ANKMY2: variants seen among roughly 807,000 people sequenced by gnomAD.
The protein encoded by ANKMY2 is ankyrin repeat and MYND domain containing 2.
Under a neutral mutation model 50.4 loss-of-function variants are expected in ANKMY2, and 36 were observed. The ratio of observed to expected loss-of-function variants is 0.71; its 90% CI spans 0.55 to 0.94. ANKMY2 has a LOEUF of 0.94. Ranked by LOEUF, ANKMY2 falls within the 40% of genes least tolerant of loss-of-function variation. ANKMY2 has a pLI of 0.00. For synonymous variants in ANKMY2, 187 were observed against 178.8 expected, an observed-to-expected ratio of 1.05 and a Z score of -0.36; for missense variants, 565 against 524.0, an observed-to-expected ratio of 1.08 and a Z score of -0.76.
chr7:16,606,136 G>A lies in ANKMY2; in HGVS notation c.883-1287C>T, dbSNP rs567639954. Among the ~76,000 whole-genome samples the A allele has an allele frequency of 6.7e-3, 999 of 149,412 alleles. 4 individuals carry two copies. Among genetic ancestry groups the A allele is most frequent in the Non-Finnish European group, 1.0e-2 (674 of 67,518 alleles). On this transcript the variant is annotated intron_variant, in intron 7 of 9. Transcript: ENST00000306999. Reference sequence around the variant, plus strand: ...CTGGCCTATAAACTTTTTTTACAAAGAAAATTATAAGGGGCTGGGTGTGGT... The same window carrying A: ...CTGGCCTATAAACTTTTTTTACAAAAAAAATTATAAGGGGCTGGGTGTGGT...
intron 4 of ANKMY2, among the ~76,000 whole-genome samples, chr7:16,617,262 T>C (rs951501044): frequency 2.0e-5 from 3 of 152,186 alleles, no homozygotes; most frequent in African/African-American, 7.2e-5. Flanking sequence ...ATTTGCTTGG[T>C]TGAATGTCAT....
chr7:16,610,464 T>C, intron 6 of ANKMY2, 85 bp downstream of exon 6: 1 of 1,173,104 alleles, frequency 8.5e-7, no homozygotes, highest in East Asian at 2.5e-5. Context: ...AAATGTTTAA[T>C]TTTGAAACAC....
Position 16,626,982 on chromosome 7 carries a change from T to C in ANKMY2, c.271+58A>G, listed in dbSNP as rs183393768. 1.4e-4 allele frequency: 187 copies of C among 1,375,584 alleles called. 1 individual carries two copies. The East Asian group carries it at 4.1e-3, about 30-fold the overall frequency. The allele number at this position is 1,375,584 out of a possible 1,614,324, so 85.2% of individuals were successfully genotyped here. ...AAAATGAATTTAATCTTTTAGTATATATGTACTTATAACAAGTTTGTATAG... is the reference window on the plus strand; with the variant it reads ...AAAATGAATTTAATCTTTTAGTATACATGTACTTATAACAAGTTTGTATAG... On this transcript the variant is annotated intron_variant, in intron 3 of 9. Transcript: ENST00000306999.
At chr7:16,603,304 C>T (rs1217201201) in intron 8 of ANKMY2, among the ~76,000 whole-genome samples, 1 of 152,064 alleles carries the variant, frequency 6.6e-6, no homozygotes. Flanking sequence ...TTTCTTAACA[C>T]AGTACAGGAT....
intron 4 of ANKMY2, among the ~76,000 whole-genome samples, chr7:16,618,742 TCAACCAA>T (rs1258316254): frequency 1.3e-5 from 2 of 152,126 alleles, no homozygotes; most frequent in African/African-American, 4.8e-5. Context: ...AAAATGACAT[TCAACCAA>T]GCAAATCTAA....
intron 1 of ANKMY2, among the ~76,000 whole-genome samples, chr7:16,637,749 C>T (rs778007592): frequency 2.6e-5 from 4 of 152,280 alleles, no homozygotes; most frequent in Admixed American, 6.5e-5. Flanking sequence ...GAACAAAAAC[C>T]CCGCACCCCA....
rs907010567 is a variant in ANKMY2, at chr7:16,619,109, A to G, written c.371-3205T>C. Among the ~76,000 whole-genome samples, 7 of 152,310 alleles carry G rather than the reference A, an allele frequency of 4.6e-5. No homozygotes were observed. The East Asian group carries it at 7.7e-4, about 17-fold the overall frequency. ...ATATCTGTACATAAAAATAATTGCT[A>G]CATAACAAAGATACTGTCACAAGAC... On this transcript the variant is annotated intron_variant, in intron 4 of 9. Coordinates refer to ENST00000306999, the MANE Select transcript of ANKMY2 (RefSeq NM_020319.3).
intron 1 of ANKMY2, among the ~76,000 whole-genome samples, chr7:16,637,895 C>A (rs1046130101): frequency 2.0e-5 from 3 of 152,166 alleles, no homozygotes; most frequent in African/African-American, 7.2e-5. Context: ...ATGTCAAAAC[C>A]TGCTACATGG....
chr7:16,644,834 G>C (rs1418379658), intron 1 of ANKMY2: 6 of 404,948 alleles, frequency 1.5e-5, no homozygotes, highest in Non-Finnish European at 3.0e-5. Context: ...GGACAAGAAA[G>C]CGCGAAGGAG....
intron 3 of ANKMY2, among the ~76,000 whole-genome samples, chr7:16,626,534 A>G (rs1434375245): frequency 6.6e-6 from 1 of 152,204 alleles, no homozygotes; most frequent in Non-Finnish European, 1.5e-5. Flanking sequence ...AAAGAGCTGC[A>G]CCAATTACAG....
intron 8 of ANKMY2, 37 bp from the exon 9 acceptor site, chr7:16,602,546 C>T (rs575813036): frequency 3.8e-6 from 6 of 1,596,222 alleles, no homozygotes; most frequent in Non-Finnish European, 4.3e-6. Context: ...ATTTCCAGAG[C>T]TTGGGTTGTA....
chr7:16,603,543 A>C (rs780789490), intron 8 of ANKMY2: 9 of 454,304 alleles, frequency 2.0e-5, no homozygotes, highest in Non-Finnish European at 4.2e-5. Flanking sequence ...GTTATTAAAC[A>C]CTTACTGTAT....
intron 8 of ANKMY2, among the ~76,000 whole-genome samples, chr7:16,603,273 G>C (rs1038826166): frequency 2.0e-5 from 3 of 152,150 alleles, no homozygotes; most frequent in African/African-American, 7.2e-5. Flanking sequence ...AAGGGAGAGA[G>C]GCAGGCACCT....
intron 1 of ANKMY2, among the ~76,000 whole-genome samples, chr7:16,640,615 G>A (rs903318438): frequency 9.9e-5 from 15 of 152,118 alleles, no homozygotes; most frequent in African/African-American, 3.6e-4. Context: ...TTGAATTCCT[G>A]GGTTCAAGCA....
At chr7:16,615,030 A>T (rs1425630695) in intron 5 of ANKMY2, among the ~76,000 whole-genome samples, 1 of 152,228 alleles carries the variant, frequency 6.6e-6, no homozygotes, top group Non-Finnish European at 1.5e-5. Context: ...AGACAATAGC[A>T]GTGAAATATT....
intron 2 of ANKMY2, among the ~76,000 whole-genome samples, chr7:16,627,610 C>A (rs985876926): frequency 6.6e-6 from 1 of 152,164 alleles, no homozygotes. Flanking sequence ...TATTATGAAG[C>A]TATTAAATGA....
chr7:16,625,063 C>G lies in ANKMY2; in HGVS notation c.290G>C (p.Trp97Ser). ...AALSGNKDIT[W>S]VMLEAGAETD... ...CTCAGCACCAGCTTCTAACATTACCCATGTGATGTCTTTATTACCTAGAGT... is the reference window on the plus strand; with the variant it reads ...CTCAGCACCAGCTTCTAACATTACCGATGTGATGTCTTTATTACCTAGAGT... Residue 97 changes from tryptophan (W) to serine (S), a missense_variant, in exon 4 of 10, where the codon TGG (tryptophan) becomes TCG (serine). Trp to Ser is a radical substitution (Grantham distance 177). Coordinates refer to ENST00000306999, the MANE Select transcript of ANKMY2 (RefSeq NM_020319.3). The G allele has an allele frequency of 6.2e-7, 1 of 1,613,722 alleles. No homozygotes were observed. Among genetic ancestry groups the G allele is most frequent in the South Asian group, 1.1e-5 (1 of 91,062 alleles).
At chr7:16,630,440 G>C (rs1214552686) in intron 2 of ANKMY2, among the ~76,000 whole-genome samples, 1 of 152,140 alleles carries the variant, frequency 6.6e-6, no homozygotes, top group African/African-American at 2.4e-5. Context: ...AATAGCATGA[G>C]AAACAAGCTT....
At position 16,604,575 on chromosome 7, in the gene ANKMY2, T is replaced by C; in HGVS notation, c.1011+146A>G. On this transcript the variant is annotated intron_variant, in intron 8 of 9. Transcript: ENST00000306999. ...GATCCTATTAATTCTTTTCCAAAAC[T>C]ACTTTTTAAGTATTAAATAGAATAT... The C allele has an allele frequency of 4.6e-6, 5 of 1,091,392 alleles. No homozygotes were observed. The South Asian group carries it at 9.4e-5, about 20-fold the overall frequency. 67.6% of individuals were successfully genotyped at this position (1,091,392 alleles called of 1,614,324 possible).
Sources: gnomAD v4.1 joint callset for allele counts (sites outside exome capture counted in the v4.1 genomes callset) on GRCh38, gnomAD v4.1.1 for gene constraint, MANE v1.5 for transcripts, NCBI Gene and HGNC (gene_info 2026-07-23, HGNC 2026-07-21) for gene names.